The following DDX43 variants were observed in gnomAD, a reference collection of about 807,000 sequenced individuals.
DDX43 encodes DEAD-box helicase 43.
A neutral mutation model predicts 84.9 loss-of-function variants in DDX43; 50 were observed. The observed-to-expected ratio is 0.59, with a 90% CI of 0.47 to 0.75. The LOEUF is 0.75. Among genes scored for constraint, DDX43 ranks in the 30% least tolerant of loss-of-function variants. The probability of loss-of-function intolerance (pLI) is 0.00; values close to 1 mark genes in which losing one functional copy is unlikely to be tolerated. For synonymous variants in DDX43, 291 were observed against 266.3 expected (o/e 1.09, Z -0.90); for missense variants, 689 against 798.6 (o/e 0.86, Z 1.65).
intron 15 of DDX43, 42 bp downstream of exon 15, chr6:73,415,626 ATC>A (rs1335270527): frequency 2.8e-6 from 4 of 1,417,844 alleles, no homozygotes; most frequent in Non-Finnish European, 4.0e-6. Context: ...TGTTATCAGT[ATC>A]TCAGTCAGTT....
At chr6:73,397,205 T>C (rs560416795) in intron 1 of DDX43, among the ~76,000 whole-genome samples, 3 of 152,326 alleles carry the variant, frequency 2.0e-5, no homozygotes, top group Non-Finnish European at 4.4e-5. Context: ...CTCCACATTC[T>C]TACCAACACT....
chr6:73,395,013 T>C lies in DDX43; in HGVS notation c.108T>C (p.Asn36=). ...APERRPAEEL[N]RTGPEGYSVG... The stretch of plus-strand genomic sequence containing the variant: ...AGAGGAGGCCGGCGGAGGAGTTGAA[T>C]CGAACAGGTCCTGAGGGATATAGTG... Residue 36 remains asparagine, a synonymous_variant, in exon 1 of 17, where the codon AAT becomes AAC. Transcript: ENST00000370336. 6.2e-7 allele frequency: 1 copy of C among 1,614,202 alleles called. No homozygotes were observed. Among genetic ancestry groups the C allele is most frequent in the Non-Finnish European group, 8.5e-7 (1 of 1,180,028 alleles).
chr6:73,402,525 A>G (rs1769597274), intron 4 of DDX43, among the ~76,000 whole-genome samples: 1 of 152,112 alleles, frequency 6.6e-6, no homozygotes. Context: ...CTCTCCTCTT[A>G]ACCTCCCAAA....
intron 15 of DDX43, 111 bp from the exon 16 acceptor site, chr6:73,416,002 T>C: frequency 1.5e-6 from 1 of 666,320 alleles, no homozygotes; most frequent in Non-Finnish European, 2.7e-6. Flanking sequence ...CTGTTTCTGT[T>C]TAAAGGATGT....
At chr6:73,395,699 C>T (rs1769457077) in intron 1 of DDX43, among the ~76,000 whole-genome samples, 1 of 151,504 alleles carries the variant, frequency 6.6e-6, no homozygotes, top group Non-Finnish European at 1.5e-5. Flanking sequence ...TCCTAGAAGA[C>T]TTATGAAATC....
intron 11 of DDX43, among the ~76,000 whole-genome samples, chr6:73,412,656 TGTGTGTGTGTGTGC>T (rs1294200426): frequency 4.0e-4 from 35 of 87,956 alleles, no homozygotes; most frequent in African/African-American, 1.4e-3. Context: ...TGTGTGTGTG[TGTGTGTGTGTGTGC>T]GCGCGCGCGT....
chr6:73,408,630 C>T (rs1430278806), intron 9 of DDX43, among the ~76,000 whole-genome samples: 2 of 151,930 alleles, frequency 1.3e-5, no homozygotes, highest in Non-Finnish European at 2.9e-5. Context: ...GATCTTGGCT[C>T]ACTGCAACCT....
rs774068026 is a variant in DDX43, at chr6:73,415,562, A to G, written c.1811A>G (p.Asn604Ser). Residue 604 changes from asparagine to serine, a missense_variant, in exon 15 of 17, where the codon AAT (asparagine) becomes AGT (serine). Asn to Ser is a conservative substitution (Grantham distance 46). Transcript: ENST00000370336. ...NDWRVASELINILERANQSIP... is the reference protein window; with the variant it reads ...NDWRVASELISILERANQSIP... ...TGGAGGGTTGCCTCTGAATTGATTAATATTCTGGAAAGAGCAAATCAGGTG... is the reference window on the plus strand; with the variant it reads ...TGGAGGGTTGCCTCTGAATTGATTAGTATTCTGGAAAGAGCAAATCAGGTG... The G allele has an allele frequency of 2.5e-6, 4 of 1,612,274 alleles. No individual in the cohort carries two copies. In the Admixed American group the frequency reaches 6.7e-5, roughly 27 times the overall value.
At chr6:73,401,703 G>A (rs1187668095) in intron 3 of DDX43, among the ~76,000 whole-genome samples, 156 bp from the exon 4 acceptor site, 1 of 150,966 alleles carries the variant, frequency 6.6e-6, no homozygotes, top group Non-Finnish European at 1.5e-5. Flanking sequence ...TGGGGAGGCT[G>A]AGGCAAGAGA....
At chr6:73,407,410 C>A in intron 7 of DDX43, 95 bp from the exon 8 acceptor site, 1 of 862,272 alleles carries the variant, frequency 1.2e-6, no homozygotes, top group Middle Eastern at 2.5e-4. Flanking sequence ...TGAGCCACCA[C>A]GTCTGGCTTG....
chr6:73,414,705 C>G lies in DDX43; in HGVS notation c.1745+19C>G. On this transcript the variant is annotated intron_variant, in intron 14 of 16. Transcript: ENST00000370336. ...GAGCAGGGTAAGTAAGCTTAGTCCA[C>G]CCATGAAAGGCCAATTCTAGATTCT... is the stretch of plus-strand genomic sequence containing the variant. The G allele has an allele frequency of 7.5e-6, 12 of 1,594,466 alleles. No homozygotes were observed. Among genetic ancestry groups the G allele is most frequent in the Non-Finnish European group, 1.0e-5 (12 of 1,172,444 alleles).
chr6:73,415,220 C>G (rs1332160900), intron 14 of DDX43, among the ~76,000 whole-genome samples: 1 of 152,090 alleles, frequency 6.6e-6, no homozygotes, highest in Non-Finnish European at 1.5e-5. Flanking sequence ...ATCACTTGAA[C>G]CCATGAGGCA....
chr6:73,397,372 T>C lies in DDX43; in HGVS notation c.251-317T>C, dbSNP rs944061655. On this transcript the variant is annotated intron_variant, in intron 1 of 16. Transcript: ENST00000370336. ...AAATGTCTATTCAAGTGTTTGCCCA[T>C]TTTTCAAAACTTATTTGTTGAGTTG... is the stretch of plus-strand genomic sequence containing the variant. Among the ~76,000 whole-genome samples the C allele has an allele frequency of 2.0e-5, 3 of 152,340 alleles. No individual in the cohort carries two copies. In the East Asian group the frequency reaches 5.8e-4, roughly 29 times the overall value.
At chr6:73,402,966 C>T (rs751287185) in intron 4 of DDX43, among the ~76,000 whole-genome samples, 1 of 152,184 alleles carries the variant, frequency 6.6e-6, no homozygotes, top group African/African-American at 2.4e-5. Flanking sequence ...AGCCTTGGCT[C>T]TCGGGAGGAG....
chr6:73,402,992 C>A (rs780625183), intron 4 of DDX43, among the ~76,000 whole-genome samples: 8 of 152,200 alleles, frequency 5.3e-5, no homozygotes, highest in Non-Finnish European at 1.2e-4. Flanking sequence ...AATACAACAT[C>A]TTTTATTTAA....
At chr6:73,400,496 C>T in intron 3 of DDX43, 133 bp downstream of exon 3, 1 of 757,746 alleles carries the variant, frequency 1.3e-6, no homozygotes, top group South Asian at 3.4e-5. Flanking sequence ...TGATTTTTTA[C>T]TATGAATGAA....
intron 3 of DDX43, among the ~76,000 whole-genome samples, 155 bp downstream of exon 3, chr6:73,400,518 T>C (rs1359280945): frequency 6.6e-6 from 1 of 152,220 alleles, no homozygotes; most frequent in African/African-American, 2.4e-5. Flanking sequence ...GCCCAGAATA[T>C]TTTTCCTCAA....
At chr6:73,395,205 A>G in intron 1 of DDX43, 50 bp downstream of exon 1, 1 of 1,535,590 alleles carries the variant, frequency 6.5e-7, no homozygotes, top group East Asian at 2.4e-5. Flanking sequence ...CCAGGGGCGG[A>G]GCCTGGGCGA....
At chr6:73,395,537 C>T (rs1769450353) in intron 1 of DDX43, among the ~76,000 whole-genome samples, 2 of 151,906 alleles carry the variant, frequency 1.3e-5, no homozygotes, top group Admixed American at 1.3e-4. Context: ...TGGCTTGAAC[C>T]CGGCGGCAGA....
Sources: gnomAD v4.1 joint callset for allele counts (sites outside exome capture counted in the v4.1 genomes callset) on GRCh38, gnomAD v4.1.1 for gene constraint, MANE v1.5 for transcripts, NCBI Gene and HGNC (gene_info 2026-07-23, HGNC 2026-07-21) for gene names.